Variants in NEK2 observed in about 807,000 individuals in gnomAD.
NEK2 encodes the protein NIMA related kinase 2, also known as serine/threonine-protein kinase Nek2.
NEK2 carries 28 observed loss-of-function variants against 54.1 expected under a neutral mutation model. The observed-to-expected ratio is 0.52, with a 90% CI of 0.38 to 0.71. NEK2 has a LOEUF of 0.71. NEK2 is among the 30% of genes least tolerant of loss of function. The probability of loss-of-function intolerance (pLI) is 0.00; values close to 1 mark genes in which losing one functional copy is unlikely to be tolerated. For synonymous variants in NEK2, 176 were observed against 193.1 expected (o/e 0.91, Z 0.73); for missense variants, 407 against 531.5 (o/e 0.77, Z 2.30).
At position 211,671,382 on chromosome 1, in the gene NEK2, G is replaced by C. The variant is rs558736094; in HGVS notation, c.556-98C>G. The C allele has an allele frequency of 6.2e-5, 50 of 805,550 alleles. No individual in the cohort carries two copies. In the African/African-American group the frequency reaches 6.9e-4, roughly 11 times the overall value. The allele number at this position is 805,550 out of a possible 1,614,324, so 49.9% of individuals were successfully genotyped here. A position where few individuals can be genotyped will look rare whatever the true frequency, so the allele number is the denominator to read the frequency against. On this transcript the variant is annotated intron_variant, in intron 3 of 7. Coordinates refer to ENST00000366999, the MANE Select transcript of NEK2 (RefSeq NM_002497.4). ...TTAAATTACTCCTGAGATAAAAACA[G>C]AACCTCAAAGTTTTTAGCTTATACT...
downstream of NEK2, chr1:211,660,440 GA>G: frequency 1.4e-6 from 1 of 705,114 alleles, no homozygotes; most frequent in Non-Finnish European, 2.6e-6. Context: ...TGCAGACACT[GA>G]ACCACCAGCC....
Position 211,673,528 on chromosome 1 carries a change from C to G in NEK2, c.510G>C (p.Thr170=). 2 of 1,613,960 alleles carry G rather than the reference C, an allele frequency of 1.2e-6. No individual in the cohort carries two copies. Among genetic ancestry groups the G allele is most frequent in the Non-Finnish European group, 1.7e-6 (2 of 1,179,874 alleles). Residue 170 remains threonine (T), a synonymous_variant, in exon 3 of 8, where the codon ACG becomes ACC. Transcript: ENST00000366999. ...FGLARILNHD[T]SFAKTFVGTP... is the part of the protein sequence containing the mutation. ...TGCCAACAAATGTTTTTGCAAAACT[C>G]GTGTCATGGTTTAATATTCTAGCTA...
At chr1:211,666,963 G>GA in intron 7 of NEK2, 143 bp downstream of exon 7, 1 of 1,471,030 alleles carries the variant, frequency 6.8e-7, no homozygotes, top group Non-Finnish European at 9.0e-7. Context: ...TGTTTCCATT[G>GA]AAATGCATAT....
chr1:211,668,980 G>T, intron 6 of NEK2, 133 bp downstream of exon 6: 1 of 856,018 alleles, frequency 1.2e-6, no homozygotes, highest in African/African-American at 1.7e-5. Context: ...ACATATTTTG[G>T]TTTCTCAAGT....
At chr1:211,675,313 TG>T in intron 1 of NEK2, 70 bp downstream of exon 1, 1 of 1,397,300 alleles carries the variant, frequency 7.2e-7, no homozygotes, top group Non-Finnish European at 1.0e-6. Context: ...TTCCCTTCGG[TG>T]GCGCAGGGCG....
rs371921288 is a variant in NEK2, at chr1:211,675,430, C to T, written c.50G>A (p.Gly17Asp). 23 of 1,613,936 alleles carry T rather than the reference C, an allele frequency of 1.4e-5. No individual in the cohort carries two copies. The African/African-American group carries it at 3.1e-4, about 22-fold the overall frequency. The change falls in exon 1 of 8, where the codon GGC becomes GAC. Residue 17 changes from glycine to aspartate, a missense_variant. Transcript: ENST00000366999. ...GATCTTCTGGCAGCGGCCGTAGGAG[C>T]CTGTGCCAATGGTGTACAACACTTC... The part of the protein sequence containing the change: ...DYEVLYTIGT[G>D]SYGRCQKIRR...
chr1:211,664,192 G>A lies in NEK2; in HGVS notation c.1112-540C>T, dbSNP rs116210475. Among the ~76,000 whole-genome samples the A allele has an allele frequency of 7.1e-3, 1,078 of 151,478 alleles. 18 individuals are homozygous for A. The highest frequency in any genetic ancestry group is 0.024 in the African/African-American group (1,007 of 41,350). ...ATCTAAACAAATTCAGTGTGGAAAA[G>A]GTAAATCAAGTAAGAGTAGTAAAAA... On this transcript the variant is annotated intron_variant, in intron 7 of 7. Transcript: ENST00000366999.
Position 211,672,596 on chromosome 1 carries a change from A to G in NEK2, c.555+887T>C, listed in dbSNP as rs372274294. 6.0e-5 allele frequency among the ~76,000 whole-genome samples: 9 copies of G among 150,424 alleles called. No homozygotes were observed. In the East Asian group the frequency reaches 1.2e-3, roughly 20 times the overall value. On this transcript the variant is annotated intron_variant, in intron 3 of 7. Coordinates refer to ENST00000366999, the MANE Select transcript of NEK2 (RefSeq NM_002497.4). ...ACAGAGCCTCTTAAATGCAAAGTCT[A>G]AAATAAAAAGTAAAATATTAAAAAA...
intron 4 of NEK2, 129 bp downstream of exon 4, chr1:211,671,073 T>C: frequency 1.4e-6 from 1 of 696,940 alleles, no homozygotes; most frequent in Non-Finnish European, 2.5e-6. Flanking sequence ...TACCTTAATT[T>C]TACCCAGGGT....
chr1:211,668,785 G>A (rs1454501443), intron 6 of NEK2, among the ~76,000 whole-genome samples: 1 of 152,008 alleles, frequency 6.6e-6, no homozygotes, highest in Non-Finnish European at 1.5e-5. Flanking sequence ...CCTTTACAGT[G>A]GGAAAACATT....
chr1:211,670,772 T>C (rs1655350757), intron 4 of NEK2, among the ~76,000 whole-genome samples: 1 of 136,636 alleles, frequency 7.3e-6, no homozygotes, highest in South Asian at 2.5e-4. Context: ...GAATCACTGC[T>C]CTACAGAATA....
Position 211,663,220 on chromosome 1 carries a change from T to C in NEK2, c.*206A>G. ...AGAAAGTATTCTTTTTATAATATGTTCTTAAAAGAAGAAAGAAAAATTAAA... is the reference window on the plus strand; with the variant it reads ...AGAAAGTATTCTTTTTATAATATGTCCTTAAAAGAAGAAAGAAAAATTAAA... On this transcript the variant is annotated 3_prime_UTR_variant, in exon 8 of 8. Transcript: ENST00000366999. 7.4e-7 allele frequency: 1 copy of C among 1,346,090 alleles called. No individual in the cohort carries two copies. Among genetic ancestry groups the C allele is most frequent in the Non-Finnish European group, 9.5e-7 (1 of 1,050,098 alleles). The allele number at this position is 1,346,090 out of a possible 1,614,324, so 83.4% of individuals were successfully genotyped here.
downstream of NEK2, chr1:211,661,074 G>A (rs1481262792): frequency 8.1e-6 from 6 of 742,764 alleles, no homozygotes; most frequent in South Asian, 2.8e-5. Context: ...GTCAAACCCC[G>A]GTGATAACTT....
At chr1:211,673,286 G>C (rs1398594817) in intron 3 of NEK2, among the ~76,000 whole-genome samples, 197 bp downstream of exon 3, 2 of 152,000 alleles carry the variant, frequency 1.3e-5, no homozygotes, top group Non-Finnish European at 2.9e-5. Flanking sequence ...ACATGCACCT[G>C]TAGTCCCAGC....
rs1333718925 is a variant in NEK2 at position 211,673,661 on chromosome 1, T to A, written c.377A>T (p.Glu126Val). Residue 126 changes from glutamate (E) to valine (V), a missense_variant, in exon 3 of 8, where the codon GAA becomes GTA. By Grantham distance (121) the Glu-to-Val change is moderately radical. Coordinates refer to ENST00000366999, the MANE Select transcript of NEK2 (RefSeq NM_002497.4). ...VMTQLTLALK[E>V]CHRRSDGGHT... ...ACCACCATCACTTCGTCTGTGGCAT[T>A]CCTTCAGGGCCAGAGTCAACTGAGT... 10 of 1,614,152 alleles carry A rather than the reference T, an allele frequency of 6.2e-6. No individual in the cohort carries two copies. The highest frequency in any genetic ancestry group is 8.5e-6 in the Non-Finnish European group (10 of 1,180,030).
In NEK2 at chr1:211,663,634, G is replaced by A; in HGVS notation, c.1130C>T (p.Ser377Phe). ...ATGAACTTTCTTCTTAATTACTGAG[G>A]ATGGAAGATTAAGAAGTTCTTTAGA... ...ASNPELLNLPSSVIKKKVHFS... is the reference protein window; with the variant it reads ...ASNPELLNLPFSVIKKKVHFS... The change falls in exon 8 of 8, where the codon TCC (serine) becomes TTC (phenylalanine). Residue 377 changes from serine (S) to phenylalanine (F), a missense_variant. By Grantham distance (155) the Ser-to-Phe change is radical. Coordinates refer to ENST00000366999, the MANE Select transcript of NEK2 (RefSeq NM_002497.4). 6.2e-7 allele frequency: 1 copy of A among 1,613,590 alleles called. No homozygotes were observed.
chr1:211,669,419 G>A, intron 5 of NEK2, 87 bp from the exon 6 acceptor site: 1 of 1,225,440 alleles, frequency 8.2e-7, no homozygotes, highest in South Asian at 1.4e-5. Context: ...GGACAAAAAT[G>A]TGTTTCCAAG....
At position 211,673,599 on chromosome 1, in the gene NEK2, C is replaced by T; in HGVS notation, c.439G>A (p.Val147Ile). The T allele has an allele frequency of 1.9e-6, 3 of 1,614,152 alleles. No individual in the cohort carries two copies. The highest frequency in any genetic ancestry group is 2.2e-5 in the East Asian group (1 of 44,886). Residue 147 changes from valine to isoleucine, a missense_variant, in exon 3 of 8, where the codon GTT (valine) becomes ATT (isoleucine). Coordinates refer to ENST00000366999, the MANE Select transcript of NEK2 (RefSeq NM_002497.4). The part of the protein sequence containing the change: ...VLHRDLKPAN[V>I]FLDGKQNVKL... ...ACGTTTTGCTTGCCATCCAGGAAAA[C>T]ATTGGCTGGTTTCAGATCCCGATGC...
chr1:211,673,207 G>A (rs751422890), intron 3 of NEK2, among the ~76,000 whole-genome samples: 1 of 151,936 alleles, frequency 6.6e-6, no homozygotes, highest in East Asian at 1.9e-4. Flanking sequence ...TCAGGAGTTC[G>A]AGACCAGCCT....
Sources: allele counts gnomAD v4.1 joint callset (sites outside exome capture counted in the v4.1 genomes callset), GRCh38; gene constraint gnomAD v4.1.1; transcripts MANE v1.5; gene names NCBI Gene and HGNC (gene_info 2026-07-23, HGNC 2026-07-21).